ABLIM2: variants seen among roughly 807,000 people sequenced by gnomAD.
ABLIM2 encodes actin-binding LIM protein 2.
ABLIM2 carries 53 observed loss-of-function variants against 97.7 expected under a neutral mutation model. That is an observed-to-expected ratio of 0.54 (90% CI 0.44 to 0.68). The LOEUF (loss-of-function observed/expected upper bound fraction) is 0.68. Ranked by LOEUF, ABLIM2 falls within the 30% of genes least tolerant of loss-of-function variation. ABLIM2 has a pLI of 0.00. For synonymous variants in ABLIM2, 361 were observed against 345.8 expected (o/e 1.04, Z -0.49); for missense variants, 835 against 867.2 (o/e 0.96, Z 0.47).
In ABLIM2 at chr4:8,150,131, C is replaced by T. The variant is rs1448486625; in HGVS notation, c.10+8549G>A. 6.6e-6 allele frequency among the ~76,000 whole-genome samples: 1 copy of T among 152,194 alleles called. No individual in the cohort carries two copies. Among genetic ancestry groups the T allele is most frequent in the Non-Finnish European group, 1.5e-5 (1 of 68,042 alleles). ...CATGAGGGCATTTGAAACTAGGCTGCCAGGTTGAAGGTCTGGATGCTCCTT... is the reference window on the plus strand; with the variant it reads ...CATGAGGGCATTTGAAACTAGGCTGTCAGGTTGAAGGTCTGGATGCTCCTT... On this transcript the variant is annotated intron_variant, in intron 1 of 20. Coordinates refer to ENST00000447017, the MANE Select transcript of ABLIM2 (RefSeq NM_001130083.2). This position sits in a 1 kb window ranked among gnomAD's most constrained non-coding sequence, Gnocchi z 6.3.
In ABLIM2 at chr4:8,154,871, A is replaced by G. The variant is rs778250813; in HGVS notation, c.10+3809T>C. 2.0e-5 allele frequency among the ~76,000 whole-genome samples: 3 copies of G among 152,204 alleles called. No homozygotes were observed. In the South Asian group the frequency reaches 6.2e-4, roughly 31 times the overall value. On this transcript the variant is annotated intron_variant, in intron 1 of 20. Coordinates refer to ENST00000447017, the MANE Select transcript of ABLIM2 (RefSeq NM_001130083.2). Reference sequence around the variant, plus strand: ...CATGGACTTACAGCTCCACATGGCTAGGGAGGCCTCGCAATCATGGCGGAA... The same window carrying G: ...CATGGACTTACAGCTCCACATGGCTGGGGAGGCCTCGCAATCATGGCGGAA...
In ABLIM2 at chr4:8,032,694, A is replaced by G. The variant is rs1004259313; in HGVS notation, c.1048-2918T>C. The G allele has an allele frequency of 3.7e-6, 6 of 1,612,406 alleles. No homozygotes were observed. The highest frequency in any genetic ancestry group is 5.1e-6 in the Non-Finnish European group (6 of 1,179,796). On this transcript the variant is annotated intron_variant, in intron 10 of 20. Transcript: ENST00000447017. The surrounding 1 kb of genome is among the most constrained non-coding windows in gnomAD (Gnocchi z 4.3). ...CAACTGAGGGGACTGTGGACACAAC[A>G]CACAAAGTGGCCATTAGTGCTGGCG...
intron 9 of ABLIM2, among the ~76,000 whole-genome samples, chr4:8,042,101 T>G (rs947107536): frequency 6.6e-6 from 1 of 152,162 alleles, no homozygotes; most frequent in African/African-American, 2.4e-5. Context: ...AGCCACAGCA[T>G]GCTGAGGACT....
At position 8,071,701 on chromosome 4, in the gene ABLIM2, ACCCG is replaced by A; in HGVS notation, c.675+5923_675+5926del. 11 of 494,388 alleles carry A rather than the reference ACCCG, an allele frequency of 2.2e-5. No homozygotes were observed. Among genetic ancestry groups the A allele is most frequent in the Non-Finnish European group, 2.8e-5 (11 of 391,986 alleles). 30.6% of individuals were successfully genotyped at this position (494,388 alleles called of 1,614,324 possible). Reference sequence around the variant, plus strand: ...CTGCTCTGTCCCCAAAAACCCACCCACCCGCAGCCCCTCCTGGCCCCTGTGAGCC... The same window carrying A: ...CTGCTCTGTCCCCAAAAACCCACCCACAGCCCCTCCTGGCCCCTGTGAGCC... On this transcript the variant is annotated intron_variant, in intron 6 of 20. Transcript: ENST00000447017. The surrounding 1 kb of genome is among the most constrained non-coding windows in gnomAD (Gnocchi z 6.2).
rs116762978 is a variant in ABLIM2, at chr4:8,020,096, C to T, written c.1369+106G>A. The T allele has an allele frequency of 9.3e-3, 9,352 of 1,005,476 alleles. 45 individuals are homozygous for T. The highest frequency in any genetic ancestry group is 0.012 in the Non-Finnish European group (8,132 of 680,770). The allele number at this position is 1,005,476 out of a possible 1,614,324, so 62.3% of individuals were successfully genotyped here. A position where few individuals can be genotyped will look rare whatever the true frequency, so the allele number is the denominator to read the frequency against. ...GGAGCAGTGGAGGAGCCTGGAGTGT[C>T]GTCTGGCGCCTGCTGAGTCAAGGCA... is the stretch of plus-strand genomic sequence containing the variant. On this transcript the variant is annotated intron_variant, in intron 13 of 20. Coordinates refer to ENST00000447017, the MANE Select transcript of ABLIM2 (RefSeq NM_001130083.2).
rs967027949 is a variant in ABLIM2, at chr4:8,150,875, G to T, written c.10+7805C>A. Among the ~76,000 whole-genome samples the T allele has an allele frequency of 6.6e-6, 1 of 152,188 alleles. No homozygotes were observed. The highest frequency in any genetic ancestry group is 2.1e-4 in the South Asian group (1 of 4,832). ...GAGGGGAAGCTATGAACCCAGCCTA[G>T]GGTGTGGCTGATGATGCCAAAGCGG... On this transcript the variant is annotated intron_variant, in intron 1 of 20. Transcript: ENST00000447017. This position sits in a 1 kb window ranked among gnomAD's most constrained non-coding sequence, Gnocchi z 6.3.
At chr4:8,156,246 C>T (rs1030501107) in intron 1 of ABLIM2, among the ~76,000 whole-genome samples, 3 of 151,020 alleles carry the variant, frequency 2.0e-5, no homozygotes, top group Non-Finnish European at 4.4e-5. Context: ...CCTACTGGTC[C>T]CCTTGTGACC....
chr4:8,071,693 A>T lies in ABLIM2; in HGVS notation c.675+5935T>A. On this transcript the variant is annotated intron_variant, in intron 6 of 20. Transcript: ENST00000447017. The surrounding 1 kb of genome is among the most constrained non-coding windows in gnomAD (Gnocchi z 6.2). Reference sequence around the variant, plus strand: ...ACACCTGACTGCTCTGTCCCCAAAAACCCACCCACCCGCAGCCCCTCCTGG... The same window carrying T: ...ACACCTGACTGCTCTGTCCCCAAAATCCCACCCACCCGCAGCCCCTCCTGG... The T allele has an allele frequency of 1.5e-4, 126 of 819,704 alleles. No individual in the cohort carries two copies. Among genetic ancestry groups the T allele is most frequent in the Non-Finnish European group, 1.6e-4 (111 of 679,172 alleles). The allele number at this position is 819,704 out of a possible 1,614,324, so 50.8% of individuals were successfully genotyped here.
chr4:8,022,138 C>A lies in ABLIM2; in HGVS notation c.1268-1835G>T, dbSNP rs1774163037. ...CAGGGCAGGTTTTAAAAACTGCACC[C>A]ACACGAACTCTGAACAGAGGAAGAC... is the stretch of plus-strand genomic sequence containing the variant. On this transcript the variant is annotated intron_variant, in intron 12 of 20. Coordinates refer to ENST00000447017, the MANE Select transcript of ABLIM2 (RefSeq NM_001130083.2). This position sits in a 1 kb window ranked among gnomAD's most constrained non-coding sequence, Gnocchi z 7.8. 6.6e-6 allele frequency among the ~76,000 whole-genome samples: 1 copy of A among 152,220 alleles called. No individual in the cohort carries two copies. The highest frequency in any genetic ancestry group is 6.5e-5 in the Admixed American group (1 of 15,280).
intron 20 of ABLIM2, among the ~76,000 whole-genome samples, chr4:7,975,915 C>T (rs1732663873): frequency 6.6e-6 from 1 of 152,162 alleles, no homozygotes; most frequent in South Asian, 2.1e-4. Flanking sequence ...TCGGATCACG[C>T]TAACAATGTC....
At chr4:8,073,111 G>A (rs1388699981) in intron 6 of ABLIM2, among the ~76,000 whole-genome samples, 3 of 151,630 alleles carry the variant, frequency 2.0e-5, no homozygotes, top group Non-Finnish European at 4.4e-5. Flanking sequence ...CCACTGGAGG[G>A]GAAGCCCTGG....
At position 8,001,314 on chromosome 4, in the gene ABLIM2, G is replaced by T. The variant is rs374114950; in HGVS notation, c.1618+6745C>A. Reference sequence around the variant, plus strand: ...CGGGGTGCCACCCAGGGCCTGTGCTGCTACCCGCAGAACTGGGAGGCCACA... The same window carrying T: ...CGGGGTGCCACCCAGGGCCTGTGCTTCTACCCGCAGAACTGGGAGGCCACA... On this transcript the variant is annotated intron_variant, in intron 16 of 20. Transcript: ENST00000447017. This position sits in a 1 kb window ranked among gnomAD's most constrained non-coding sequence, Gnocchi z 4.2. 3.9e-5 allele frequency among the ~76,000 whole-genome samples: 6 copies of T among 152,174 alleles called. No individual in the cohort carries two copies. The highest frequency in any genetic ancestry group is 1.4e-4 in the African/African-American group (6 of 41,438).
At position 8,106,554 on chromosome 4, in the gene ABLIM2, T is replaced by G; in HGVS notation, c.94A>C (p.Lys32Gln). 1.2e-6 allele frequency: 2 copies of G among 1,608,796 alleles called. No homozygotes were observed. Among genetic ancestry groups the G allele is most frequent in the South Asian group, 2.2e-5 (2 of 89,638 alleles). ...ILCNTCGNVC[K>Q]GEVLRVQDKY... ...TCCTGCACCCGCAGCACCTCGCCCT[T>G]GCACACATTCCCACACGTGTTGCAC... is the stretch of plus-strand genomic sequence containing the variant. The change falls in exon 2 of 21, where the codon AAG (lysine) becomes CAG (glutamine). Residue 32 changes from lysine to glutamine, a missense_variant. Coordinates refer to ENST00000447017, the MANE Select transcript of ABLIM2 (RefSeq NM_001130083.2).
chr4:8,019,809 G>C lies in ABLIM2; in HGVS notation c.1370-138C>G. 1.2e-6 allele frequency: 1 copy of C among 835,850 alleles called. No individual in the cohort carries two copies. Among genetic ancestry groups the C allele is most frequent in the East Asian group, 2.7e-5 (1 of 37,064 alleles). 51.8% of individuals were successfully genotyped at this position (835,850 alleles called of 1,614,324 possible). A position where few individuals can be genotyped will look rare whatever the true frequency, so the allele number is the denominator to read the frequency against. ...CATCAGGCAGGAACTGGCACCCAGC[G>C]AGCGACAGACACCCAGGCCCCAGAT... On this transcript the variant is annotated intron_variant, in intron 13 of 20. Transcript: ENST00000447017. The surrounding 1 kb of genome is among the most constrained non-coding windows in gnomAD (Gnocchi z 4.3).
Position 8,120,594 on chromosome 4 carries a change from C to T in ABLIM2, c.11-13957G>A, listed in dbSNP as rs988450003. Among the ~76,000 whole-genome samples, 1 of 152,196 alleles carries T rather than the reference C, an allele frequency of 6.6e-6. No homozygotes were observed. Among genetic ancestry groups the T allele is most frequent in the Non-Finnish European group, 1.5e-5 (1 of 68,032 alleles). Reference sequence around the variant, plus strand: ...GCCCTGCCCGCACCTTGATCTGGGACTTCTGGCCTCCAGAACTGTGGGAGG... The same window carrying T: ...GCCCTGCCCGCACCTTGATCTGGGATTTCTGGCCTCCAGAACTGTGGGAGG... On this transcript the variant is annotated intron_variant, in intron 1 of 20. Coordinates refer to ENST00000447017, the MANE Select transcript of ABLIM2 (RefSeq NM_001130083.2). The surrounding 1 kb of genome is among the most constrained non-coding windows in gnomAD (Gnocchi z 5.6).
intron 1 of ABLIM2, among the ~76,000 whole-genome samples, chr4:8,119,778 G>A (rs13144749): frequency 0.15 from 23,260 of 152,166 alleles, 2,015 homozygotes; most frequent in South Asian, 0.3. Context: ...GCCCTGGCTC[G>A]AGGGCTTGGT....
intron 20 of ABLIM2, among the ~76,000 whole-genome samples, chr4:7,980,216 A>G (rs1048876177): frequency 6.6e-6 from 1 of 152,164 alleles, no homozygotes. Flanking sequence ...AGAGGGGGCG[A>G]GTCAGACATG....
At chr4:8,115,712 CTA>C (rs1842496212) in intron 1 of ABLIM2, among the ~76,000 whole-genome samples, 1 of 152,320 alleles carries the variant, frequency 6.6e-6, no homozygotes, top group African/African-American at 2.4e-5. Flanking sequence ...TCCTACAACA[CTA>C]TGTCGACCCT....
chr4:7,966,703 C>T lies in ABLIM2; in HGVS notation c.*287G>A. 1 of 396,154 alleles carries T rather than the reference C, an allele frequency of 2.5e-6. No homozygotes were observed. The highest frequency in any genetic ancestry group is 4.2e-5 in the East Asian group (1 of 24,008). 24.5% of individuals were successfully genotyped at this position (396,154 alleles called of 1,614,324 possible). On this transcript the variant is annotated 3_prime_UTR_variant, in exon 21 of 21. Coordinates refer to ENST00000447017, the MANE Select transcript of ABLIM2 (RefSeq NM_001130083.2). The stretch of plus-strand genomic sequence containing the variant: ...GCTGGGAAGGTGGGCTGGGCTGCAG[C>T]CACCTGTGTGCTCCATCTGATGCCC...
Sources: gnomAD v4.1 joint callset for allele counts (sites outside exome capture counted in the v4.1 genomes callset) on GRCh38, gnomAD v4.1.1 for gene constraint, Gnocchi (gnomAD v3.1) non-coding constraint, MANE v1.5 for transcripts, NCBI Gene and HGNC (gene_info 2026-07-23, HGNC 2026-07-21) for gene names.